LRBA: variants seen among roughly 807,000 people sequenced by gnomAD.
LRBA encodes the protein lipopolysaccharide-responsive and beige-like anchor protein.
Under a neutral mutation model 330.0 loss-of-function variants are expected in LRBA, and 176 were observed. The observed-to-expected ratio is 0.53, with a 90% CI of 0.47 to 0.60. LRBA has a LOEUF of 0.60. Among genes scored for constraint, LRBA ranks in the 20% least tolerant of loss-of-function variants. The probability of loss-of-function intolerance (pLI) is 0.00; values close to 1 mark genes in which losing one functional copy is unlikely to be tolerated. For synonymous variants in LRBA, 1,230 were observed against 1,193.0 expected, an observed-to-expected ratio of 1.03 and a Z score of -0.64; for missense variants, 3,259 against 3,444.8, an observed-to-expected ratio of 0.95 and a Z score of 1.35.
At chr4:150,810,505 T>C (rs1222769552) in intron 31 of LRBA, among the ~76,000 whole-genome samples, 2 of 152,234 alleles carry the variant, frequency 1.3e-5, no homozygotes, top group South Asian at 2.1e-4. Context: ...GATCTAACTG[T>C]ACCTAAAAAC....
intron 30 of LRBA, among the ~76,000 whole-genome samples, chr4:150,818,555 TGTGTGTGTGC>T (rs959588529): frequency 9.3e-5 from 14 of 151,056 alleles, no homozygotes; most frequent in Admixed American, 5.3e-4. Context: ...TGTGTGTGTG[TGTGTGTGTGC>T]GTGCACGAAT....
intron 40 of LRBA, among the ~76,000 whole-genome samples, chr4:150,541,620 T>G (rs1456466294): frequency 6.6e-6 from 1 of 152,220 alleles, no homozygotes; most frequent in Admixed American, 6.5e-5. Context: ...TTTTATAGTG[T>G]CTAGTACCGT....
At chr4:150,434,508 T>C (rs1057074134) in intron 46 of LRBA, among the ~76,000 whole-genome samples, 7 of 152,220 alleles carry the variant, frequency 4.6e-5, no homozygotes, top group Non-Finnish European at 1.0e-4. Flanking sequence ...TAAATATCTA[T>C]GTCTGAGATT....
intron 28 of LRBA, among the ~76,000 whole-genome samples, chr4:150,838,726 G>C (rs1156367084): frequency 6.6e-6 from 1 of 151,996 alleles, no homozygotes; most frequent in Non-Finnish European, 1.5e-5. Flanking sequence ...AGCTTCTTTT[G>C]GATGGGTTCA....
intron 12 of LRBA, 43 bp downstream of exon 12, chr4:150,906,254 C>G: frequency 8.1e-7 from 1 of 1,236,176 alleles, no homozygotes. Context: ...AATGTATGGC[C>G]TGTAAATTAA....
intron 46 of LRBA, among the ~76,000 whole-genome samples, chr4:150,431,546 C>T (rs1750377480): frequency 6.6e-6 from 1 of 152,022 alleles, no homozygotes; most frequent in Non-Finnish European, 1.5e-5. Flanking sequence ...TAAAATACCA[C>T]TGGAAGACTT....
chr4:150,691,230 C>A (rs1444623776), intron 36 of LRBA, among the ~76,000 whole-genome samples: 2 of 151,730 alleles, frequency 1.3e-5, no homozygotes, highest in African/African-American at 4.8e-5. Flanking sequence ...ATGCCTGGCC[C>A]AACACCTGCT....
At chr4:150,521,281 G>C (rs968193930) in intron 40 of LRBA, among the ~76,000 whole-genome samples, 11 of 152,034 alleles carry the variant, frequency 7.2e-5, no homozygotes, top group Admixed American at 2.6e-4. Context: ...ACTTCTTAAT[G>C]ATGAGCCTCA....
At position 150,548,909 on chromosome 4, in the gene LRBA, A is replaced by C. The variant is rs116276125; in HGVS notation, c.6330+39139T>G. ...GTCCAAGGTTACATAGCTGCAAAGA[A>C]AATAAGCTCTGTGAAAGCTTTTCAT... On this transcript the variant is annotated intron_variant, in intron 40 of 56. Transcript: ENST00000651943. Among the ~76,000 whole-genome samples the C allele has an allele frequency of 2.2e-3, 336 of 152,338 alleles. 1 individual carries two copies. Among genetic ancestry groups the C allele is most frequent in the African/African-American group, 7.5e-3 (313 of 41,586 alleles).
chr4:150,436,216 C>A (rs188735085), intron 45 of LRBA, among the ~76,000 whole-genome samples: 46 of 152,276 alleles, frequency 3.0e-4, no homozygotes, highest in Admixed American at 7.8e-4. Flanking sequence ...ATCCTTCTAA[C>A]AAGCTTTAAT....
intron 47 of LRBA, among the ~76,000 whole-genome samples, chr4:150,351,948 A>G (rs1673515037): frequency 6.6e-6 from 1 of 152,222 alleles, no homozygotes; most frequent in Non-Finnish European, 1.5e-5. Flanking sequence ...ATGTTATGTA[A>G]ATATGGTCTC....
At chr4:150,569,072 G>C (rs1021777035) in intron 40 of LRBA, among the ~76,000 whole-genome samples, 1 of 152,098 alleles carries the variant, frequency 6.6e-6, no homozygotes, top group Non-Finnish European at 1.5e-5. Context: ...AAAAATGTAA[G>C]AGTTAATACA....
At chr4:150,688,992 A>G (rs1783868573) in intron 36 of LRBA, among the ~76,000 whole-genome samples, 1 of 152,228 alleles carries the variant, frequency 6.6e-6, no homozygotes. Flanking sequence ...TCATTCTACT[A>G]TAAAGACACA....
intron 37 of LRBA, among the ~76,000 whole-genome samples, chr4:150,622,755 T>C (rs1776433513): frequency 6.8e-6 from 1 of 147,340 alleles, no homozygotes; most frequent in East Asian, 2.0e-4. Context: ...CGGAGTGCAG[T>C]GGCACTATCT....
intron 40 of LRBA, among the ~76,000 whole-genome samples, chr4:150,503,319 A>T (rs1000807763): frequency 3.3e-5 from 5 of 152,176 alleles, no homozygotes; most frequent in African/African-American, 1.2e-4. Context: ...GGGCGGACTG[A>T]CACCTCACAC....
At chr4:150,531,124 A>G (rs567029641) in intron 40 of LRBA, among the ~76,000 whole-genome samples, 1 of 152,344 alleles carries the variant, frequency 6.6e-6, no homozygotes, top group Non-Finnish European at 1.5e-5. Flanking sequence ...TGGAAGGTAC[A>G]TAAGATCAAG....
chr4:150,490,555 C>G (rs1366493604), intron 41 of LRBA, among the ~76,000 whole-genome samples: 1 of 151,706 alleles, frequency 6.6e-6, no homozygotes, highest in African/African-American at 2.4e-5. Flanking sequence ...ACATATGAAT[C>G]GTTATTGTCC....
chr4:150,849,320 G>T, intron 25 of LRBA, 102 bp downstream of exon 25: 2 of 961,474 alleles, frequency 2.1e-6, no homozygotes, highest in South Asian at 1.6e-5. Context: ...TTTATTTATA[G>T]CACCTACGAT....
chr4:150,846,129 T>C (rs1199844465), intron 26 of LRBA, among the ~76,000 whole-genome samples: 2 of 152,208 alleles, frequency 1.3e-5, no homozygotes, highest in African/African-American at 4.8e-5. Flanking sequence ...GAGATCATTA[T>C]CTTAAGTGAA....
Sources: allele counts gnomAD v4.1 joint callset (sites outside exome capture counted in the v4.1 genomes callset), GRCh38; gene constraint gnomAD v4.1.1; transcripts MANE v1.5; gene names NCBI Gene and HGNC (gene_info 2026-07-23, HGNC 2026-07-21).